The following CLASP2 variants were observed in gnomAD, a reference collection of about 807,000 sequenced individuals.
The protein encoded by CLASP2 is CLIP-associating protein 2.
CLASP2 carries 47 observed loss-of-function variants against 194.4 expected under a neutral mutation model. The observed-to-expected ratio is 0.24, with a 90% CI of 0.19 to 0.31. The LOEUF (loss-of-function observed/expected upper bound fraction) is 0.31, where lower values mean the gene tolerates loss of function less well. Among genes scored for constraint, CLASP2 ranks in the 10% least tolerant of loss-of-function variants. CLASP2 has a pLI of 1.00. For synonymous variants in CLASP2, 619 were observed against 633.5 expected, an observed-to-expected ratio of 0.98 and a Z score of 0.34; for missense variants, 1,445 against 1,823.6, an observed-to-expected ratio of 0.79 and a Z score of 3.78.
intron 12 of CLASP2, among the ~76,000 whole-genome samples, chr3:33,617,062 G>A (rs1464806963): frequency 1.1e-4 from 16 of 148,530 alleles, no homozygotes; most frequent in Admixed American, 8.1e-4. Context: ...CAAAGGTTCT[G>A]GATTAAGGTT....
intron 24 of CLASP2, among the ~76,000 whole-genome samples, chr3:33,574,186 T>C (rs1354853330): frequency 6.6e-6 from 1 of 152,140 alleles, no homozygotes; most frequent in African/African-American, 2.4e-5. Context: ...ACTTGAATTT[T>C]GGCTGATGAG....
intron 1 of CLASP2, among the ~76,000 whole-genome samples, chr3:33,710,699 C>A (rs868446086): frequency 2.5e-4 from 38 of 152,344 alleles, no homozygotes; most frequent in Middle Eastern, 6.8e-3. Context: ...CTTTGGGAGG[C>A]CAAGGCAGGC....
At chr3:33,693,664 T>C (rs2091581639) in intron 2 of CLASP2, among the ~76,000 whole-genome samples, 1 of 152,168 alleles carries the variant, frequency 6.6e-6, no homozygotes, top group Admixed American at 6.5e-5. Context: ...GGGTAAAAAG[T>C]AGGCATTCAA....
At chr3:33,500,414 G>C (rs2046573877) in intron 38 of CLASP2, among the ~76,000 whole-genome samples, 1 of 152,068 alleles carries the variant, frequency 6.6e-6, no homozygotes, top group Admixed American at 6.6e-5. Flanking sequence ...CTACTGTTCT[G>C]ATAAAGTGCT....
At chr3:33,713,832 T>C (rs1200631987) in intron 1 of CLASP2, among the ~76,000 whole-genome samples, 1 of 152,174 alleles carries the variant, frequency 6.6e-6, no homozygotes, top group African/African-American at 2.4e-5. Flanking sequence ...CTGTGTTTTC[T>C]CCATTTTTTA....
chr3:33,709,325 T>C (rs910344594), intron 1 of CLASP2, among the ~76,000 whole-genome samples: 1 of 152,200 alleles, frequency 6.6e-6, no homozygotes, highest in African/African-American at 2.4e-5. Flanking sequence ...TTTCATTCTT[T>C]TGCATGTGGA....
intron 7 of CLASP2, among the ~76,000 whole-genome samples, chr3:33,651,660 T>TTC (rs2083239081): frequency 6.7e-6 from 1 of 148,884 alleles, no homozygotes; most frequent in Admixed American, 6.7e-5. Context: ...CACCTCACTT[T>TTC]TTTTTTTTTT....
chr3:33,673,350 G>C (rs1333139049), intron 6 of CLASP2, among the ~76,000 whole-genome samples: 1 of 152,044 alleles, frequency 6.6e-6, no homozygotes, highest in Non-Finnish European at 1.5e-5. Flanking sequence ...CTAAGCTTCA[G>C]AAGTGAAGGA....
At chr3:33,498,913 A>G (rs1457629714) in intron 38 of CLASP2, among the ~76,000 whole-genome samples, 196 bp from the exon 39 acceptor site, 2 of 152,196 alleles carry the variant, frequency 1.3e-5, no homozygotes, top group Non-Finnish European at 2.9e-5. Context: ...TGAAAAAAAT[A>G]TAAAAAGTCA....
Position 33,575,122 on chromosome 3 carries a change from T to G in CLASP2, c.2454+1047A>C, listed in dbSNP as rs2064566025. ...GAATAGCAAATCAAAAACATCTCAT[T>G]AATTTAATATCATCAGAACAAGATG... On this transcript the variant is annotated intron_variant, in intron 24 of 38. Coordinates refer to ENST00000682230, the MANE Select transcript of CLASP2 (RefSeq NM_001365631.1). 2.6e-5 allele frequency among the ~76,000 whole-genome samples: 4 copies of G among 152,154 alleles called. No individual in the cohort carries two copies. In the South Asian group the frequency reaches 6.2e-4, roughly 24 times the overall value.
intron 6 of CLASP2, among the ~76,000 whole-genome samples, chr3:33,667,828 C>A (rs2086464260): frequency 6.6e-6 from 1 of 152,120 alleles, no homozygotes; most frequent in Non-Finnish European, 1.5e-5. Flanking sequence ...AGTATAGTTC[C>A]ATCGATCTAT....
chr3:33,612,180 G>A lies in CLASP2; in HGVS notation c.1318-109C>T, dbSNP rs1264959314. 8 of 664,984 alleles carry A rather than the reference G, an allele frequency of 1.2e-5. 1 individual carries two copies. The highest frequency in any genetic ancestry group is 1.8e-5 in the Non-Finnish European group (7 of 389,110). 41.2% of individuals were successfully genotyped at this position (664,984 alleles called of 1,614,324 possible). ...TAGTTATGTTACAAGAGGACAAAAA[G>A]ACCAGATATTAGATTTGAAAGAAAT... On this transcript the variant is annotated intron_variant, in intron 12 of 38. Transcript: ENST00000682230.
At chr3:33,660,517 A>G (rs890291479) in intron 7 of CLASP2, among the ~76,000 whole-genome samples, 8 of 152,204 alleles carry the variant, frequency 5.3e-5, no homozygotes, top group Admixed American at 3.9e-4. Flanking sequence ...TCTTGTATTT[A>G]GTAAAATGAT....
chr3:33,602,550 A>G, intron 18 of CLASP2: 1 of 763,376 alleles, frequency 1.3e-6, no homozygotes, highest in Non-Finnish European at 2.4e-6. Context: ...GACAGAGTAG[A>G]GCTTTGCAGT....
intron 34 of CLASP2, among the ~76,000 whole-genome samples, chr3:33,531,997 T>G (rs1327764559): frequency 6.6e-6 from 1 of 152,210 alleles, no homozygotes; most frequent in South Asian, 2.1e-4. Context: ...AACTACCATA[T>G]GATCCAGCAA....
chr3:33,499,205 C>T (rs2046263717), intron 38 of CLASP2, among the ~76,000 whole-genome samples: 1 of 152,108 alleles, frequency 6.6e-6, no homozygotes, highest in Admixed American at 6.5e-5. Context: ...CTGCAGCTCT[C>T]CCATTCTTCT....
At chr3:33,539,014 T>C in intron 32 of CLASP2, 72 bp from the exon 33 acceptor site, 2 of 1,077,440 alleles carry the variant, frequency 1.9e-6, no homozygotes, top group Non-Finnish European at 2.6e-6. Context: ...GGAGATTATA[T>C]AAGGATATTT....
Position 33,573,342 on chromosome 3 carries a change from G to C in CLASP2, c.2467C>G (p.Arg823Gly), listed in dbSNP as rs1322924892. ...ATTCCATATGATTCATATCTTCTTC[G>C]AGCTGGTTTTTTCTGTTATACATCA... ...AVADALKKPA[R>G]RRYESYGMHS... Residue 823 changes from arginine (R) to glycine (G), a missense_variant, in exon 25 of 39, where the codon CGA (arginine) becomes GGA (glycine). Arg to Gly is a moderately radical substitution (Grantham distance 125, BLOSUM62 -2). Coordinates refer to ENST00000682230, the MANE Select transcript of CLASP2 (RefSeq NM_001365631.1). 3 of 1,613,520 alleles carry C rather than the reference G, an allele frequency of 1.9e-6. No individual in the cohort carries two copies. Among genetic ancestry groups the C allele is most frequent in the Middle Eastern group, 3.3e-4 (2 of 6,060 alleles).
intron 12 of CLASP2, among the ~76,000 whole-genome samples, chr3:33,615,561 T>A (rs544281413): frequency 5.4e-5 from 8 of 147,620 alleles, no homozygotes; most frequent in East Asian, 2.0e-4. Context: ...AAAGCAGATT[T>A]AAAAAAAAAA....
Sources: gnomAD v4.1 joint callset for allele counts (sites outside exome capture counted in the v4.1 genomes callset) on GRCh38, gnomAD v4.1.1 for gene constraint, MANE v1.5 for transcripts, NCBI Gene and HGNC (gene_info 2026-07-23, HGNC 2026-07-21) for gene names.